TTC17: variants seen among roughly 807,000 people sequenced by gnomAD.
TTC17 encodes tetratricopeptide repeat domain 17, also known as tetratricopeptide repeat protein 17.
Under a neutral mutation model 143.8 loss-of-function variants are expected in TTC17, and 58 were observed. The ratio of observed to expected loss-of-function variants is 0.40; its 90% CI spans 0.33 to 0.50. TTC17 has a LOEUF of 0.50. Among genes scored for constraint, TTC17 ranks in the 20% least tolerant of loss-of-function variants. TTC17 has a pLI of 0.49. For missense variants in TTC17, 1,273 were observed against 1,392.5 expected (o/e 0.91, Z 1.37); for synonymous variants, 501 against 497.8 (o/e 1.01, Z -0.09).
chr11:43,472,899 G>T (rs931058045), intron 21 of TTC17, among the ~76,000 whole-genome samples: 5 of 151,846 alleles, frequency 3.3e-5, no homozygotes, highest in African/African-American at 7.2e-5. Context: ...TCCAGTCTGG[G>T]TGCGGTGGCT....
intron 21 of TTC17, among the ~76,000 whole-genome samples, chr11:43,474,609 G>A (rs1173088762): frequency 6.6e-6 from 1 of 152,068 alleles, no homozygotes; most frequent in Non-Finnish European, 1.5e-5. Context: ...ATTATCAAGA[G>A]GAATTATTCC....
At chr11:43,428,900 A>G (rs1000223045) in intron 16 of TTC17, among the ~76,000 whole-genome samples, 1 of 152,072 alleles carries the variant, frequency 6.6e-6, no homozygotes, top group Non-Finnish European at 1.5e-5. Flanking sequence ...GGTCTTTACT[A>G]TGGTCTGTTT....
intron 21 of TTC17, among the ~76,000 whole-genome samples, chr11:43,460,912 A>G (rs1947853344): frequency 6.6e-6 from 1 of 152,216 alleles, no homozygotes; most frequent in South Asian, 2.1e-4. Flanking sequence ...AAACTGAAAC[A>G]GCACTACTTC....
At chr11:43,443,031 T>C (rs1452989944) in intron 16 of TTC17, among the ~76,000 whole-genome samples, 1 of 152,196 alleles carries the variant, frequency 6.6e-6, no homozygotes, top group East Asian at 1.9e-4. Flanking sequence ...AGTGGATCTT[T>C]TTTAAAAAAT....
At chr11:43,412,939 A>G (rs962918827) in intron 15 of TTC17, among the ~76,000 whole-genome samples, 7 of 151,674 alleles carry the variant, frequency 4.6e-5, no homozygotes, top group Admixed American at 4.0e-4. Context: ...TTGTGTATTG[A>G]TAAGTTGATT....
intron 15 of TTC17, among the ~76,000 whole-genome samples, chr11:43,411,893 A>T (rs868694369): frequency 4.6e-5 from 7 of 152,218 alleles, no homozygotes; most frequent in Non-Finnish European, 1.0e-4. Flanking sequence ...ACAGTGAGAC[A>T]TTTCTGATGA....
chr11:43,465,216 T>G (rs557482971), intron 21 of TTC17, among the ~76,000 whole-genome samples: 1 of 152,324 alleles, frequency 6.6e-6, no homozygotes, highest in South Asian at 2.1e-4. Context: ...TGAATTAAGT[T>G]TATTGTCTAC....
chr11:43,415,440 T>G (rs1373908283), intron 16 of TTC17, among the ~76,000 whole-genome samples: 1 of 152,204 alleles, frequency 6.6e-6, no homozygotes, highest in Non-Finnish European at 1.5e-5. Flanking sequence ...AATAAAATCG[T>G]GAATTTTAAC....
At chr11:43,450,328 C>A in intron 20 of TTC17, 87 bp downstream of exon 20, 2 of 1,399,950 alleles carry the variant, frequency 1.4e-6, no homozygotes, top group Non-Finnish European at 1.9e-6. Flanking sequence ...GGTGACCGGG[C>A]CTTTTAAAAA....
Position 43,404,151 on chromosome 11 carries a change from T to G in TTC17, c.1479+7T>G, listed in dbSNP as rs1858004531. On this transcript the variant is annotated splice_region_variant and intron_variant, in intron 11 of 23. Transcript: ENST00000039989. The stretch of plus-strand genomic sequence containing the variant: ...GGACTCTGATGCATATAGGGTAAGT[T>G]AATAGAGGATGACGAAGCAGTTTTC... The G allele has an allele frequency of 5.0e-6, 8 of 1,599,020 alleles. 1 individual carries two copies. The East Asian group carries it at 1.8e-4, about 36-fold the overall frequency.
intron 21 of TTC17, among the ~76,000 whole-genome samples, chr11:43,474,164 ATCCACACAGTGGAGGCT>A (rs761807456): frequency 4.6e-5 from 7 of 152,214 alleles, no homozygotes; most frequent in South Asian, 4.1e-4. Context: ...ATGTGTGAAC[ATCCACACAGTGGAGGCT>A]TCCACACAGT....
At chr11:43,467,604 T>C (rs1948001954) in intron 21 of TTC17, among the ~76,000 whole-genome samples, 1 of 152,244 alleles carries the variant, frequency 6.6e-6, no homozygotes, top group African/African-American at 2.4e-5. Flanking sequence ...GATGTGAATA[T>C]ACTAAACACT....
rs771203697 is a variant in TTC17 at position 43,407,492 on chromosome 11, A to G, written c.1979A>G (p.Asn660Ser). The change falls in exon 15 of 24, where the codon AAC becomes AGC. Residue 660 changes from asparagine (N) to serine (S), a missense_variant. Around this residue, in one of 3 missense-constraint regions of TTC17, gnomAD observed 878 missense variants for 899.8 expected, o/e 0.98. Coordinates refer to ENST00000039989, the MANE Select transcript of TTC17 (RefSeq NM_018259.6). ...PLQYQDVPLV[N>S]LANLLIHYGL... The stretch of plus-strand genomic sequence containing the variant: ...CAATACCAAGATGTTCCTCTTGTCA[A>G]CTTGGCCAACCTTTTGATTCATTAC... 2.5e-6 allele frequency: 4 copies of G among 1,614,030 alleles called. No homozygotes were observed. In the East Asian group the frequency reaches 6.7e-5, roughly 27 times the overall value.
At chr11:43,436,458 T>C in intron 16 of TTC17, 1 of 885,242 alleles carries the variant, frequency 1.1e-6, no homozygotes. Flanking sequence ...TGTAGCATCA[T>C]GAGGGTGACC....
At chr11:43,363,477 G>T (rs1856198510) in intron 1 of TTC17, among the ~76,000 whole-genome samples, 1 of 152,178 alleles carries the variant, frequency 6.6e-6, no homozygotes, top group Non-Finnish European at 1.5e-5. Context: ...AAGTTGTATT[G>T]CTAGTACTGA....
intron 15 of TTC17, among the ~76,000 whole-genome samples, chr11:43,409,209 T>G (rs1858288622): frequency 6.6e-6 from 1 of 152,234 alleles, no homozygotes; most frequent in African/African-American, 2.4e-5. Flanking sequence ...AATGGTTGTA[T>G]AAAGGACCAA....
chr11:43,463,105 G>A (rs1013782533), intron 21 of TTC17, among the ~76,000 whole-genome samples: 2 of 151,748 alleles, frequency 1.3e-5, no homozygotes, highest in Admixed American at 6.6e-5. Context: ...TAATAGAGAC[G>A]GGGTTTCACC....
chr11:43,486,595 T>A (rs777927906), intron 21 of TTC17: 8 of 263,436 alleles, frequency 3.0e-5, no homozygotes, highest in Non-Finnish European at 5.7e-5. Context: ...TTTAGAATAG[T>A]GTGTGAGGAT....
rs554049310 is a variant in TTC17 at position 43,407,714 on chromosome 11, G to T, written c.2064+137G>T. 7.5e-6 allele frequency: 6 copies of T among 801,540 alleles called. No individual in the cohort carries two copies. The South Asian group carries it at 1.4e-4, about 18-fold the overall frequency. The allele number at this position is 801,540 out of a possible 1,614,324, so 49.7% of individuals were successfully genotyped here. The stretch of plus-strand genomic sequence containing the variant: ...CACAGTAGCGTTTGCATTATTTCAA[G>T]AGAGTGTGAAAAAGCTTTTGTTGTA... On this transcript the variant is annotated intron_variant, in intron 15 of 23. Coordinates refer to ENST00000039989, the MANE Select transcript of TTC17 (RefSeq NM_018259.6).
Sources: allele counts gnomAD v4.1 joint callset (sites outside exome capture counted in the v4.1 genomes callset), GRCh38; gene constraint gnomAD v4.1.1; regional missense constraint gnomAD v4.1.1; transcripts MANE v1.5; gene names NCBI Gene and HGNC (gene_info 2026-07-23, HGNC 2026-07-21).